ACOT8: variants seen among roughly 807,000 people sequenced by gnomAD.
ACOT8 encodes the protein acyl-CoA thioesterase 8.
In ACOT8, 31 loss-of-function variants were observed where a neutral mutation model predicts 38.4. The observed-to-expected ratio is 0.81, with a 90% CI of 0.61 to 1.09. ACOT8 has a LOEUF of 1.09. Among genes scored for constraint, ACOT8 ranks in the 50% least tolerant of loss-of-function variants. ACOT8 has a pLI of 0.00. For synonymous variants in ACOT8, 158 were observed against 170.3 expected (o/e 0.93, Z 0.56); for missense variants, 373 against 421.8 (o/e 0.88, Z 1.01).
intron 2 of ACOT8, among the ~76,000 whole-genome samples, chr20:45,854,376 AT>A (rs548990597): frequency 2.0e-5 from 3 of 149,344 alleles, no homozygotes; most frequent in Non-Finnish European, 3.0e-5. Flanking sequence ...CACCTGGCTA[AT>A]TTTTTTATAT....
Position 45,857,297 on chromosome 20 carries a change from G to T in ACOT8, c.19C>A (p.Pro7Thr), listed in dbSNP as rs1291675962. Reference protein sequence around the residue: MSSPQAPEDGQGCGDRG... With the variant: MSSPQATEDGQGCGDRG... ...TCGCCACAGCCCTGCCCATCTTCTG[G>T]GGCCTGCGGGGACGACATCTAGTTC... Residue 7 changes from proline (P) to threonine (T), a missense_variant, in exon 1 of 6, where the codon CCA becomes ACA. By Grantham distance (38) the Pro-to-Thr change is conservative. Transcript: ENST00000217455. 4 of 1,608,036 alleles carry T rather than the reference G, an allele frequency of 2.5e-6. No individual in the cohort carries two copies. In the South Asian group the frequency reaches 4.4e-5, roughly 18 times the overall value.
chr20:45,844,204 G>A, intron 4 of ACOT8, 59 bp downstream of exon 4: 4 of 1,605,966 alleles, frequency 2.5e-6, no homozygotes, highest in Non-Finnish European at 3.4e-6. Context: ...AGGCCACACA[G>A]CAAATGAGTG....
intron 5 of ACOT8, 131 bp from the exon 6 acceptor site, chr20:45,842,087 C>A (rs370999433): frequency 6.5e-7 from 1 of 1,538,280 alleles, no homozygotes; most frequent in African/African-American, 1.4e-5. Context: ...GGGATCCTCC[C>A]GCCTCAGCCT....
At chr20:45,851,596 G>A (rs574806451) in intron 2 of ACOT8, among the ~76,000 whole-genome samples, 1 of 152,326 alleles carries the variant, frequency 6.6e-6, no homozygotes, top group East Asian at 1.9e-4. Context: ...GCATTGGACA[G>A]GAGGGTATGT....
chr20:45,857,286 C>T lies in ACOT8; in HGVS notation c.30G>A (p.Gly10=), dbSNP rs1259294534. Reference sequence around the variant, plus strand: ...GATCGCCGCGGTCGCCACAGCCCTGCCCATCTTCTGGGGCCTGCGGGGACG... The same window carrying T: ...GATCGCCGCGGTCGCCACAGCCCTGTCCATCTTCTGGGGCCTGCGGGGACG... MSSPQAPED[G]QGCGDRGDPP... is the part of the protein sequence containing the mutation. Residue 10 remains glycine, a synonymous_variant, in exon 1 of 6, where the codon GGG becomes GGA. Coordinates refer to ENST00000217455, the MANE Select transcript of ACOT8 (RefSeq NM_005469.4). 1 of 1,611,024 alleles carries T rather than the reference C, an allele frequency of 6.2e-7. No homozygotes were observed. Among genetic ancestry groups the T allele is most frequent in the Non-Finnish European group, 8.5e-7 (1 of 1,178,980 alleles).
chr20:45,842,138 A>G, intron 5 of ACOT8, 182 bp from the exon 6 acceptor site: 6 of 1,528,934 alleles, frequency 3.9e-6, no homozygotes, highest in Non-Finnish European at 5.2e-6. Flanking sequence ...ACCATGCCCA[A>G]CCTCCAAGTG....
chr20:45,844,504 T>C, intron 3 of ACOT8, 84 bp from the exon 4 acceptor site: 1 of 1,482,998 alleles, frequency 6.7e-7, no homozygotes, highest in Admixed American at 2.0e-5. Context: ...CTCCCCTCAT[T>C]CTTCCACAGG....
At position 45,844,331 on chromosome 20, in the gene ACOT8, G is replaced by GA; in HGVS notation, c.577dup (p.Ser193PhefsTer76). 6.2e-7 allele frequency: 1 copy of GA among 1,614,186 alleles called. No individual in the cohort carries two copies. The highest frequency in any genetic ancestry group is 8.5e-7 in the Non-Finnish European group (1 of 1,180,030). Reference sequence around the variant, plus strand: ...CATTCTCTGCAGCTGGCTCAGGGGGGATGGGTTTACTGGCTTGATCTCAAT... The same window carrying GA: ...CATTCTCTGCAGCTGGCTCAGGGGGGAATGGGTTTACTGGCTTGATCTCAAT... On this transcript the variant is annotated frameshift_variant, in exon 4 of 6. Coordinates refer to ENST00000217455, the MANE Select transcript of ACOT8 (RefSeq NM_005469.4). LOFTEE classifies it high-confidence loss of function.
At position 45,853,812 on chromosome 20, in the gene ACOT8, G is replaced by A. The variant is rs776723077; in HGVS notation, c.262+1347C>T. The A allele has an allele frequency of 7.9e-4, 631 of 802,284 alleles. 1 individual carries two copies. The highest frequency in any genetic ancestry group is 1.1e-3 in the Non-Finnish European group (586 of 541,742). 49.7% of individuals were successfully genotyped at this position (802,284 alleles called of 1,614,324 possible). On this transcript the variant is annotated intron_variant, in intron 2 of 5. Coordinates refer to ENST00000217455, the MANE Select transcript of ACOT8 (RefSeq NM_005469.4). ...AATCAATACTCCTCAGGGATGAGGA[G>A]TAAGAGACACGGGACAGTATGAAAA... is the stretch of plus-strand genomic sequence containing the variant.
intron 2 of ACOT8, among the ~76,000 whole-genome samples, chr20:45,854,719 A>C (rs2145777292): frequency 6.6e-6 from 1 of 152,064 alleles, no homozygotes; most frequent in South Asian, 2.1e-4. Flanking sequence ...GTTTTTATTG[A>C]CCCTATGCTC....
At chr20:45,856,340 A>G (rs62213287) in intron 1 of ACOT8, among the ~76,000 whole-genome samples, 4,833 of 152,282 alleles carry the variant, frequency 0.032, 100 homozygotes, top group South Asian at 0.06. Flanking sequence ...TCAAAGTAAG[A>G]TAACTTCCAG....
Position 45,841,873 on chromosome 20 carries a change from G to A in ACOT8, c.925C>T (p.Arg309Ter), listed in dbSNP as rs143518276. 6.8e-6 allele frequency: 11 copies of A among 1,608,902 alleles called. No individual in the cohort carries two copies. Among genetic ancestry groups the A allele is most frequent in the African/African-American group, 1.3e-5 (1 of 74,870 alleles). The change falls in exon 6 of 6, where the codon CGA (arginine) becomes TGA (stop). Residue 309 changes from arginine (R) to a stop codon, truncating the protein, a stop_gained. Coordinates refer to ENST00000217455, the MANE Select transcript of ACOT8 (RefSeq NM_005469.4). LOFTEE classifies it high-confidence loss of function. Reference protein sequence around the residue: ...AVTCAQEGVIRVKPQVSESKL With the variant: ...AVTCAQEGVI ...CTCTCTGAGACCTGGGGCTTCACTC[G>A]GATCACGCCCTCCTGGGCACAGGTC...
intron 4 of ACOT8, 34 bp downstream of exon 4, chr20:45,844,229 G>A (rs767401187): frequency 6.8e-6 from 11 of 1,613,692 alleles, no homozygotes; most frequent in Non-Finnish European, 7.6e-6. Flanking sequence ...ACCCCTTGGA[G>A]AGTGGTTTCC....
At chr20:45,843,797 G>A in intron 4 of ACOT8, 76 bp from the exon 5 acceptor site, 1 of 1,567,022 alleles carries the variant, frequency 6.4e-7, no homozygotes, top group Non-Finnish European at 8.7e-7. Flanking sequence ...GGGGAAAAGG[G>A]ACTCCCGTGC....
intron 3 of ACOT8, among the ~76,000 whole-genome samples, 188 bp downstream of exon 3, chr20:45,848,262 A>G (rs951179912): frequency 6.6e-6 from 1 of 152,138 alleles, no homozygotes; most frequent in Non-Finnish European, 1.5e-5. Flanking sequence ...AGAAACACAC[A>G]TGACTAAACC....
chr20:45,846,663 G>A (rs1455574318), intron 3 of ACOT8, among the ~76,000 whole-genome samples: 1 of 152,130 alleles, frequency 6.6e-6, no homozygotes, highest in Non-Finnish European at 1.5e-5. Flanking sequence ...AGAAACTAGG[G>A]CCCTGGGGAG....
rs748780239 is a variant in ACOT8 at position 45,844,313 on chromosome 20, T to C, written c.596A>G (p.Gln199Arg). The change falls in exon 4 of 6, where the codon CAG becomes CGG. Residue 199 changes from glutamine (Q) to arginine (R), a missense_variant. Transcript: ENST00000217455. Reference sequence around the variant, plus strand: ...GAACATCTGTTTGGGCTCCATTCTCTGCAGCTGGCTCAGGGGGGATGGGTT... The same window carrying C: ...GAACATCTGTTTGGGCTCCATTCTCCGCAGCTGGCTCAGGGGGGATGGGTT... ...PVNPSPLSQLQRMEPKQMFWV... is the reference protein window; with the variant it reads ...PVNPSPLSQLRRMEPKQMFWV... The C allele has an allele frequency of 6.2e-7, 1 of 1,614,208 alleles. No homozygotes were observed. Among genetic ancestry groups the C allele is most frequent in the South Asian group, 1.1e-5 (1 of 91,086 alleles).
At chr20:45,848,151 C>T (rs1984809400) in intron 3 of ACOT8, among the ~76,000 whole-genome samples, 3 of 152,132 alleles carry the variant, frequency 2.0e-5, no homozygotes. Flanking sequence ...CTCAAGCAAT[C>T]CTCCTGCCTT....
chr20:45,845,483 G>T (rs1407616035), intron 3 of ACOT8, among the ~76,000 whole-genome samples: 2 of 152,046 alleles, frequency 1.3e-5, no homozygotes, highest in Non-Finnish European at 2.9e-5. Context: ...GGAGTGAGCT[G>T]CTGTGCCCAG....
Sources: gnomAD v4.1 joint callset for allele counts (sites outside exome capture counted in the v4.1 genomes callset) on GRCh38, gnomAD v4.1.1 for gene constraint, MANE v1.5 for transcripts, NCBI Gene and HGNC (gene_info 2026-07-23, HGNC 2026-07-21) for gene names.